The following LRBA variants were observed in gnomAD, a reference collection of about 807,000 sequenced individuals.
LRBA encodes LPS responsive beige-like anchor protein.
In LRBA, 176 loss-of-function variants were observed where a neutral mutation model predicts 330.0. That is an observed-to-expected ratio of 0.53 (90% CI 0.47 to 0.60). The LOEUF (loss-of-function observed/expected upper bound fraction) is 0.60. Among genes scored for constraint, LRBA ranks in the 20% least tolerant of loss-of-function variants. The probability of loss-of-function intolerance (pLI) is 0.00; values close to 1 mark genes in which losing one functional copy is unlikely to be tolerated. For synonymous variants in LRBA, 1,230 were observed against 1,193.0 expected, an observed-to-expected ratio of 1.03 and a Z score of -0.64; for missense variants, 3,259 against 3,444.8, an observed-to-expected ratio of 0.95 and a Z score of 1.35.
chr4:150,540,250 C>T (rs1001370285), intron 40 of LRBA, among the ~76,000 whole-genome samples: 133 of 152,314 alleles, frequency 8.7e-4, no homozygotes, highest in Non-Finnish European at 3.4e-4. Context: ...GACGGAGTCT[C>T]ACTCTGTCAC....
chr4:150,377,421 T>C (rs1160119121), intron 47 of LRBA, among the ~76,000 whole-genome samples: 1 of 152,216 alleles, frequency 6.6e-6, no homozygotes, highest in Non-Finnish European at 1.5e-5. Context: ...CTCATAAAAC[T>C]ATATCATTTG....
chr4:150,864,940 T>C (rs1752490165), intron 22 of LRBA, among the ~76,000 whole-genome samples: 1 of 152,104 alleles, frequency 6.6e-6, no homozygotes, highest in Non-Finnish European at 1.5e-5. Context: ...CTGGCCTCCC[T>C]CCCAAGGTCT....
intron 2 of LRBA, among the ~76,000 whole-genome samples, chr4:150,976,175 GA>G (rs56914557): frequency 0.71 from 62,663 of 88,454 alleles, 22,825 homozygotes; most frequent in Middle Eastern, 0.86. Flanking sequence ...ACTCCGTCTT[GA>G]AAAAAAAAAA....
chr4:150,899,127 C>T lies in LRBA; in HGVS notation c.1924+922G>A, dbSNP rs190341197. Reference sequence around the variant, plus strand: ...ACAATGTCTTTCAACTTAGGGGATGCCTCCATTTCTAAGCAATCAGGGCAA... The same window carrying T: ...ACAATGTCTTTCAACTTAGGGGATGTCTCCATTTCTAAGCAATCAGGGCAA... On this transcript the variant is annotated intron_variant, in intron 14 of 56. Transcript: ENST00000651943. Among the ~76,000 whole-genome samples, 449 of 152,194 alleles carry T rather than the reference C, an allele frequency of 3.0e-3. 1 individual carries two copies. Among genetic ancestry groups the T allele is most frequent in the Middle Eastern group, 0.014 (4 of 294 alleles).
At chr4:150,440,692 T>C (rs79909224) in intron 44 of LRBA, among the ~76,000 whole-genome samples, 22,507 of 151,906 alleles carry the variant, frequency 0.15, 1,684 homozygotes, top group Middle Eastern at 0.17. Context: ...GTCCAGGAGG[T>C]TGAGGATGCA....
chr4:150,512,306 G>A (rs1425873248), intron 40 of LRBA, among the ~76,000 whole-genome samples: 2 of 152,148 alleles, frequency 1.3e-5, no homozygotes, highest in African/African-American at 2.4e-5. Context: ...AACTACTAAG[G>A]AACTGGAAAC....
At chr4:150,395,907 C>T (rs1744669060) in intron 47 of LRBA, among the ~76,000 whole-genome samples, 1 of 152,096 alleles carries the variant, frequency 6.6e-6, no homozygotes, top group African/African-American at 2.4e-5. Context: ...CTACAGTATT[C>T]TACTGGTAAT....
chr4:150,294,117 T>C (rs1728675685), intron 53 of LRBA, among the ~76,000 whole-genome samples: 2 of 152,222 alleles, frequency 1.3e-5, no homozygotes, highest in Non-Finnish European at 2.9e-5. Context: ...CCCCGACTCC[T>C]GTGTTGTTCA....
chr4:150,314,821 C>G (rs1181338948), intron 51 of LRBA: 1 of 152,112 alleles, frequency 6.6e-6, no homozygotes, highest in East Asian at 1.9e-4. Flanking sequence ...ACTCAAAAAG[C>G]CTAACAGCAA....
At chr4:150,375,426 C>T (rs1484508637) in intron 47 of LRBA, among the ~76,000 whole-genome samples, 2 of 152,008 alleles carry the variant, frequency 1.3e-5, no homozygotes, top group African/African-American at 4.8e-5. Flanking sequence ...ATATTTTTAA[C>T]CATCCAATTC....
chr4:150,320,539 G>A (rs1187799225), intron 50 of LRBA, among the ~76,000 whole-genome samples: 2 of 152,082 alleles, frequency 1.3e-5, no homozygotes, highest in African/African-American at 4.8e-5. Context: ...GGACATAGTG[G>A]CTCATGCCTG....
chr4:151,010,584 TAAG>T (rs1744708478), intron 2 of LRBA, among the ~76,000 whole-genome samples: 1 of 151,948 alleles, frequency 6.6e-6, no homozygotes, highest in South Asian at 2.1e-4. Context: ...AGGTAGCACT[TAAG>T]AAAAAACTCT....
At chr4:150,521,672 T>C (rs543992285) in intron 40 of LRBA, among the ~76,000 whole-genome samples, 8 of 152,376 alleles carry the variant, frequency 5.3e-5, no homozygotes, top group African/African-American at 1.9e-4. Context: ...CTTCATTACT[T>C]TGATTTCTAG....
chr4:150,878,971 A>C (rs1158768854), intron 17 of LRBA, among the ~76,000 whole-genome samples: 1 of 151,946 alleles, frequency 6.6e-6, no homozygotes, highest in East Asian at 1.9e-4. Context: ...AATCCTACTA[A>C]AAATATTCAA....
intron 47 of LRBA, among the ~76,000 whole-genome samples, chr4:150,376,498 T>A (rs1291844433): frequency 6.6e-6 from 1 of 152,172 alleles, no homozygotes; most frequent in Admixed American, 6.5e-5. Flanking sequence ...TCCCCTAATG[T>A]TAGCAACTTA....
At chr4:150,340,753 G>A (rs917296981) in intron 48 of LRBA, among the ~76,000 whole-genome samples, 3 of 152,096 alleles carry the variant, frequency 2.0e-5, no homozygotes, top group African/African-American at 4.8e-5. Flanking sequence ...GTGTTTATAC[G>A]TGAATATATT....
chr4:150,970,696 G>C (rs1430675337), intron 2 of LRBA: 1 of 151,792 alleles, frequency 6.6e-6, no homozygotes, highest in African/African-American at 2.4e-5. Context: ...ATATCTCCAA[G>C]GTATGCCTGT....
chr4:150,859,720 C>T lies in LRBA; in HGVS notation c.2767-6777G>A, dbSNP rs1393452937. On this transcript the variant is annotated intron_variant, in intron 22 of 56. Transcript: ENST00000651943. ...GGACAATAAAACTGCAATTGAGTTT[C>T]TTTGGCTTTTTATAGCAGCAGCATG... 4.6e-5 allele frequency among the ~76,000 whole-genome samples: 7 copies of T among 152,274 alleles called. No homozygotes were observed. In the East Asian group the frequency reaches 1.4e-3, roughly 29 times the overall value.
intron 37 of LRBA, among the ~76,000 whole-genome samples, chr4:150,620,877 T>C (rs1360887515): frequency 6.6e-6 from 1 of 152,132 alleles, no homozygotes; most frequent in Non-Finnish European, 1.5e-5. Flanking sequence ...CTTGGGTGAC[T>C]AGTGCACTAA....
Sources: allele counts gnomAD v4.1 joint callset (sites outside exome capture counted in the v4.1 genomes callset), GRCh38; gene constraint gnomAD v4.1.1; transcripts MANE v1.5; gene names NCBI Gene and HGNC (gene_info 2026-07-23, HGNC 2026-07-21).